Variants in KLF8 observed in about 807,000 individuals in gnomAD.
The protein encoded by KLF8 is KLF transcription factor 8.
Under a neutral mutation model 18.2 loss-of-function variants are expected in KLF8, and 10 were observed. The ratio of observed to expected loss-of-function variants is 0.55; its 90% CI spans 0.34 to 0.93. The LOEUF is 0.93. Among genes scored for constraint, KLF8 ranks in the 40% least tolerant of loss-of-function variants. KLF8 has a pLI of 0.02. For synonymous variants in KLF8, 109 were observed against 97.3 expected (o/e 1.12, Z -0.71); for missense variants, 264 against 277.9 (o/e 0.95, Z 0.36).
the KLF8 span, among the ~76,000 whole-genome samples, chrX:56,069,467 G>A: frequency 9.0e-6 from 1 of 111,440 alleles, no homozygotes; most frequent in East Asian, 2.8e-4. Flanking sequence ...GCCCGCTTCT[G>A]TGGAAACTCA....
chrX:56,124,240 C>A, the KLF8 span, among the ~76,000 whole-genome samples: 1 of 111,466 alleles, frequency 9.0e-6, no homozygotes, highest in African/African-American at 3.3e-5. Context: ...CTTACATTTC[C>A]CCACTAGAAT....
At chrX:56,052,617 C>T in the KLF8 span, among the ~76,000 whole-genome samples, 1 of 112,016 alleles carries the variant, frequency 8.9e-6, no homozygotes, top group African/African-American at 3.2e-5. Flanking sequence ...AGGAAGCAGT[C>T]TCCCCATTCT....
At chrX:56,109,363 C>T in the KLF8 span, among the ~76,000 whole-genome samples, 1 of 102,122 alleles carries the variant, frequency 9.8e-6, no homozygotes, top group Non-Finnish European at 1.9e-5. Flanking sequence ...CCACTGCACT[C>T]TAGTCTGGGC....
chrX:56,029,900 C>T, the KLF8 span, among the ~76,000 whole-genome samples: 3 of 111,757 alleles, frequency 2.7e-5, no homozygotes, highest in East Asian at 2.8e-4. Flanking sequence ...GCTTTCTCTG[C>T]GGCTTGTTGC....
chrX:56,161,473 A>G, the KLF8 span, among the ~76,000 whole-genome samples: 1 of 111,061 alleles, frequency 9.0e-6, no homozygotes, highest in African/African-American at 3.3e-5. Flanking sequence ...ATTTCTTTTT[A>G]TTCTTTTTTC....
At chrX:55,923,294 T>G in the KLF8 span, among the ~76,000 whole-genome samples, 1 of 63,332 alleles carries the variant, frequency 1.6e-5, no homozygotes, top group East Asian at 6.2e-4. Flanking sequence ...CCTGGACACA[T>G]GGGTGGGGGG....
chrX:56,268,251 A>T (rs1436838195), intron 3 of KLF8: 1 of 111,891 alleles, frequency 8.9e-6, no homozygotes, highest in Non-Finnish European at 1.9e-5. Flanking sequence ...TGTTGTGAAT[A>T]ATGCTGCACT....
At chrX:56,040,654 A>G in the KLF8 span, among the ~76,000 whole-genome samples, 2 of 109,686 alleles carry the variant, frequency 1.8e-5, no homozygotes, top group Non-Finnish European at 3.8e-5. Context: ...ATCAATGTTC[A>G]TCAAGAATAT....
chrX:55,954,728 A>G, the KLF8 span, among the ~76,000 whole-genome samples: 1 of 112,165 alleles, frequency 8.9e-6, no homozygotes, highest in Non-Finnish European at 1.9e-5. Context: ...AAAAATATTT[A>G]CATGTGAATG....
chrX:56,182,323 A>T, the KLF8 span, among the ~76,000 whole-genome samples: 23 of 112,312 alleles, frequency 2.0e-4, no homozygotes, highest in African/African-American at 6.8e-4. Flanking sequence ...AGGTCATTTA[A>T]GGTCTTCTCT....
the KLF8 span, among the ~76,000 whole-genome samples, chrX:55,940,724 T>C: frequency 1.8e-5 from 2 of 111,705 alleles, no homozygotes; most frequent in African/African-American, 3.3e-5. Context: ...AGCATTCTTA[T>C]ACACCAGTAA....
At chrX:56,167,338 C>T in the KLF8 span, among the ~76,000 whole-genome samples, 13 of 111,382 alleles carry the variant, frequency 1.2e-4, no homozygotes, top group South Asian at 5.0e-3. Flanking sequence ...ACCATGTTGG[C>T]CAGACGGTCT....
chrX:56,103,088 G>C, the KLF8 span, among the ~76,000 whole-genome samples: 2 of 110,183 alleles, frequency 1.8e-5, no homozygotes, highest in African/African-American at 3.3e-5. Context: ...TTTGGTACCA[G>C]TACCATGCTG....
At chrX:56,186,190 G>A in the KLF8 span, among the ~76,000 whole-genome samples, 9 of 111,425 alleles carry the variant, frequency 8.1e-5, no homozygotes, top group Non-Finnish European at 1.3e-4. Flanking sequence ...GATCTACCAA[G>A]CAAATGGAAA....
the KLF8 span, among the ~76,000 whole-genome samples, chrX:56,096,707 C>T: frequency 1.8e-5 from 2 of 111,025 alleles, no homozygotes; most frequent in African/African-American, 6.5e-5. Flanking sequence ...GGAATATCAA[C>T]AAAATCAAAA....
the KLF8 span, among the ~76,000 whole-genome samples, chrX:56,083,796 G>A: frequency 3.6e-5 from 4 of 111,282 alleles, no homozygotes; most frequent in African/African-American, 1.3e-4. Context: ...ATTGTGAACT[G>A]TGCATGTGAG....
chrX:56,052,768 G>A, the KLF8 span, among the ~76,000 whole-genome samples: 1 of 112,090 alleles, frequency 8.9e-6, no homozygotes, highest in Non-Finnish European at 1.9e-5. Context: ...GAGGCAGGCA[G>A]GCCTCCTTGA....
At chrX:56,228,452 T>A (rs925507631), upstream of KLF8, among the ~76,000 whole-genome samples, 1 of 112,318 alleles carries the variant, frequency 8.9e-6, no homozygotes, top group African/African-American at 3.2e-5. Context: ...TTAATTTTAC[T>A]GTAAAGCCAC....
the KLF8 span, among the ~76,000 whole-genome samples, chrX:56,140,046 C>T: frequency 8.9e-6 from 1 of 111,896 alleles, no homozygotes; most frequent in Non-Finnish European, 1.9e-5. Flanking sequence ...CAAATCAAAA[C>T]CACGAATAGA....
Sources: gnomAD v4.1 joint callset for allele counts (sites outside exome capture counted in the v4.1 genomes callset) on GRCh38, gnomAD v4.1.1 for gene constraint, MANE v1.5 for transcripts, NCBI Gene and HGNC (gene_info 2026-07-23, HGNC 2026-07-21) for gene names.